Variants in MTMR11 observed in about 807,000 individuals in gnomAD.
MTMR11 encodes the protein myotubularin-related protein 11.
A neutral mutation model predicts 100.0 loss-of-function variants in MTMR11; 89 were observed. The observed-to-expected ratio is 0.89, with a 90% CI of 0.75 to 1.06. The LOEUF (loss-of-function observed/expected upper bound fraction) is 1.06, where lower values mean the gene tolerates loss of function less well. MTMR11 is among the 50% of genes least tolerant of loss of function. The pLI is 0.00. For missense variants in MTMR11, 809 were observed against 873.7 expected, an observed-to-expected ratio of 0.93 and a Z score of 0.93; for synonymous variants, 336 against 326.3, an observed-to-expected ratio of 1.03 and a Z score of -0.32.
At chr1:149,934,792 A>G (rs1208740852) in intron 5 of MTMR11, among the ~76,000 whole-genome samples, 194 bp downstream of exon 5, 1 of 152,222 alleles carries the variant, frequency 6.6e-6, no homozygotes, top group Non-Finnish European at 1.5e-5. Flanking sequence ...GCTGGTAATT[A>G]ATAGAGTAAG....
intron 16 of MTMR11, 93 bp from the exon 17 acceptor site, chr1:149,929,410 C>T: frequency 7.6e-7 from 1 of 1,310,154 alleles, no homozygotes; most frequent in Non-Finnish European, 1.1e-6. Context: ...ATTCTGTTTC[C>T]CCTTTCAGCT....
In MTMR11 at chr1:149,930,847, T is replaced by G. The variant is rs781926189; in HGVS notation, c.1409A>C (p.Asp470Ala). The change falls in exon 14 of 17, where the codon GAC becomes GCC. Residue 470 changes from aspartate (D) to alanine (A), a missense_variant. Transcript: ENST00000439741. ...GGTATTTCTCAGGAAGGTAAGGGTG[T>G]CAGGAACCCTGACACTGTCATGAAG... ...LALHDSVRVP[D>A]TLTFLRNTPW... 19 of 1,609,396 alleles carry G rather than the reference T, an allele frequency of 1.2e-5. No individual in the cohort carries two copies. The South Asian group carries it at 2.1e-4, about 18-fold the overall frequency.
At position 149,936,203 on chromosome 1, in the gene MTMR11, C is replaced by T. The variant is rs2092720330; in HGVS notation, c.93G>A (p.Glu31=). The change falls in exon 2 of 17, where the codon GAG becomes GAA. Residue 31 remains glutamate (E), a synonymous_variant. Transcript: ENST00000439741. ...AACTGCTAGGCTGACGACTCCTGGGCTCCGGCATCCTATTTTCCTGGACAG... is the reference window on the plus strand; with the variant it reads ...AACTGCTAGGCTGACGACTCCTGGGTTCCGGCATCCTATTTTCCTGGACAG... ...MGSVQENRMP[E]PRSRQPSSCL... is the part of the protein sequence containing the mutation. The T allele has an allele frequency of 6.2e-7, 1 of 1,614,078 alleles. No individual in the cohort carries two copies. Among genetic ancestry groups the T allele is most frequent in the Non-Finnish European group, 8.5e-7 (1 of 1,180,016 alleles).
chr1:149,936,372 G>A (rs2092722678), intron 1 of MTMR11, 143 bp from the exon 2 acceptor site: 1 of 1,478,260 alleles, frequency 6.8e-7, no homozygotes, highest in African/African-American at 1.4e-5. Flanking sequence ...GACCTAACAG[G>A]GCTGGTAAAC....
In MTMR11 at chr1:149,934,521, G is replaced by A. The variant is rs782028299; in HGVS notation, c.474C>T (p.Thr158=). 14 of 1,614,022 alleles carry A rather than the reference G, an allele frequency of 8.7e-6. No homozygotes were observed. In the Admixed American group the frequency reaches 2.3e-4, roughly 27 times the overall value. The change falls in exon 6 of 17, where the codon ACC becomes ACT. Residue 158 remains threonine, a synonymous_variant. Coordinates refer to ENST00000439741, the MANE Select transcript of MTMR11 (RefSeq NM_001145862.2). ...GGLEPQAFQV[T]MAIVQARAQS... ...GAGCTCTGGCTTGGACAATGGCCAT[G>A]GTCACCTGCAGAGGAAAGGACATTC...
At chr1:149,935,184 G>A (rs2092706742) in intron 4 of MTMR11, 56 bp from the exon 5 acceptor site, 12 of 1,610,624 alleles carry the variant, frequency 7.5e-6, no homozygotes, top group Non-Finnish European at 9.3e-6. Flanking sequence ...CTCCAGAAGG[G>A]ACTCTTGCAG....
At chr1:149,934,161 C>T in intron 7 of MTMR11, 30 bp downstream of exon 7, 1 of 1,613,124 alleles carries the variant, frequency 6.2e-7, no homozygotes, top group South Asian at 1.1e-5. Context: ...ATTGGGAGAG[C>T]AGCAGGGTTG....
chr1:149,933,600 C>G lies in MTMR11; in HGVS notation c.860+10G>C. ...CTAACCCTTGATTCTTCTCATCAAGCCTCCCTCACCTGATATCCTCCTTGT... is the reference window on the plus strand; with the variant it reads ...CTAACCCTTGATTCTTCTCATCAAGGCTCCCTCACCTGATATCCTCCTTGT... On this transcript the variant is annotated intron_variant, in intron 9 of 16. Transcript: ENST00000439741. The G allele has an allele frequency of 6.2e-7, 1 of 1,614,138 alleles. No individual in the cohort carries two copies.
At chr1:149,932,192 T>C in intron 11 of MTMR11, 72 bp downstream of exon 11, 5 of 1,522,070 alleles carry the variant, frequency 3.3e-6, no homozygotes, top group Non-Finnish European at 4.6e-6. Flanking sequence ...AAAGGCCATT[T>C]AGGACCCCAA....
rs1169690474 is a variant in MTMR11, at chr1:149,930,441, T to C, written c.1571A>G (p.Asn524Ser). 8 of 1,613,942 alleles carry C rather than the reference T, an allele frequency of 5.0e-6. No individual in the cohort carries two copies. The highest frequency in any genetic ancestry group is 6.8e-6 in the Non-Finnish European group (8 of 1,179,948). Residue 524 changes from asparagine to serine, a missense_variant, in exon 15 of 17, where the codon AAT (asparagine) becomes AGT (serine). Asn to Ser is a conservative substitution (Grantham distance 46). Coordinates refer to ENST00000439741, the MANE Select transcript of MTMR11 (RefSeq NM_001145862.2). ...SVWDWDLRYS[N>S]AQILQFQNPG... ...ATTCTGGAATTGTAGTATCTGTGCA[T>C]TGCTATAACGTAAATCCCAGTCCCA...
At chr1:149,934,930 G>A (rs2092703932) in intron 5 of MTMR11, 56 bp downstream of exon 5, 1 of 1,579,738 alleles carries the variant, frequency 6.3e-7, no homozygotes, top group East Asian at 2.2e-5. Flanking sequence ...AATTGTCAGG[G>A]AGAGGATCCC....
chr1:149,931,741 G>T (rs2092663308), intron 12 of MTMR11: 1 of 599,088 alleles, frequency 1.7e-6, no homozygotes, highest in Non-Finnish European at 2.9e-6. Context: ...AGGAACAAAG[G>T]GGCTAAGACC....
chr1:149,930,907 G>T lies in MTMR11; in HGVS notation c.1349C>A (p.Ala450Asp), dbSNP rs1553767428. ...GAAAAACTCAGAGAATTCAAAATCA[G>T]CTGGAAACTGCTGGAGGAGCTGCCA... ...CVWQLLQQFPADFEFSEFFLL... is the reference protein window; with the variant it reads ...CVWQLLQQFPDDFEFSEFFLL... The change falls in exon 14 of 17, where the codon GCT (alanine) becomes GAT (aspartate). Residue 450 changes from alanine (A) to aspartate (D), a missense_variant. By Grantham distance (126) the Ala-to-Asp change is moderately radical. Coordinates refer to ENST00000439741, the MANE Select transcript of MTMR11 (RefSeq NM_001145862.2). The T allele has an allele frequency of 6.2e-7, 1 of 1,613,100 alleles. No homozygotes were observed. Among genetic ancestry groups the T allele is most frequent in the Non-Finnish European group, 8.5e-7 (1 of 1,179,662 alleles).
rs1553768133 is a variant in MTMR11, at chr1:149,933,469, C to T, written c.922G>A (p.Glu308Lys). 4 of 1,614,116 alleles carry T rather than the reference C, an allele frequency of 2.5e-6. No individual in the cohort carries two copies. Among genetic ancestry groups the T allele is most frequent in the South Asian group, 1.1e-5 (1 of 91,074 alleles). ...SDVVLVDTMD[E>K]LPSLADVQLA... ...TGGACATCTGCAAGGCTGGGCAGCT[C>T]ATCCATAGTGTCTACCAGGACAACA... The change falls in exon 10 of 17, where the codon GAG (glutamate) becomes AAG (lysine). Residue 308 changes from glutamate to lysine, a missense_variant. By Grantham distance (56) the Glu-to-Lys change is moderately conservative. Transcript: ENST00000439741.
chr1:149,935,209 T>C, intron 4 of MTMR11, 81 bp from the exon 5 acceptor site: 1 of 1,607,088 alleles, frequency 6.2e-7, no homozygotes, highest in South Asian at 1.1e-5. Context: ...TCCCACTCCA[T>C]CCCTGCTGTT....
intron 3 of MTMR11, 56 bp from the exon 4 acceptor site, chr1:149,935,415 T>C: frequency 6.2e-7 from 1 of 1,601,720 alleles, no homozygotes; most frequent in Non-Finnish European, 8.5e-7. Context: ...TTTCCTACCC[T>C]GGCAGCCCCA....
rs587731139 is a variant in MTMR11, at chr1:149,933,294, G to A, written c.985+112C>T. Reference sequence around the variant, plus strand: ...AAGAAAAAAGAAAAGAAAAGAAAACGGGCTCATTGGACTAAAGAGCTACTC... The same window carrying A: ...AAGAAAAAAGAAAAGAAAAGAAAACAGGCTCATTGGACTAAAGAGCTACTC... On this transcript the variant is annotated intron_variant, in intron 10 of 16. Transcript: ENST00000439741. 102 of 1,369,322 alleles carry A rather than the reference G, an allele frequency of 7.4e-5. No individual in the cohort carries two copies. The East Asian group carries it at 1.6e-3, about 21-fold the overall frequency. 84.8% of individuals were successfully genotyped at this position (1,369,322 alleles called of 1,614,324 possible). A position where few individuals can be genotyped will look rare whatever the true frequency, so the allele number is the denominator to read the frequency against.
chr1:149,932,784 C>G (rs2092676977), intron 10 of MTMR11, among the ~76,000 whole-genome samples: 1 of 151,820 alleles, frequency 6.6e-6, no homozygotes, highest in Admixed American at 6.6e-5. Context: ...AACCTCGTCT[C>G]TACTAAAAAT....
At chr1:149,931,717 G>A (rs12078573) in intron 12 of MTMR11, 32,337 of 580,252 alleles carry the variant, frequency 0.056, 1,096 homozygotes, top group Non-Finnish European at 0.07. Context: ...GTCTCCATCC[G>A]CTGATGGAAG....
Sources: gnomAD v4.1 joint callset for allele counts (sites outside exome capture counted in the v4.1 genomes callset) on GRCh38, gnomAD v4.1.1 for gene constraint, MANE v1.5 for transcripts, NCBI Gene and HGNC (gene_info 2026-07-23, HGNC 2026-07-21) for gene names.